Variants in KCNN2 observed in about 807,000 individuals in gnomAD.
The protein encoded by KCNN2 is small conductance calcium-activated potassium channel protein 2.
Under a neutral mutation model 55.5 loss-of-function variants are expected in KCNN2, and 24 were observed. The observed-to-expected ratio is 0.43, with a 90% CI of 0.31 to 0.61. The LOEUF is 0.61. Among genes scored for constraint, KCNN2 ranks in the 20% least tolerant of loss-of-function variants. The probability of loss-of-function intolerance (pLI) is 0.08; values close to 1 mark genes in which losing one functional copy is unlikely to be tolerated. For synonymous variants in KCNN2, 431 were observed against 336.1 expected, an observed-to-expected ratio of 1.28 and a Z score of -3.09; for missense variants, 754 against 853.6, an observed-to-expected ratio of 0.88 and a Z score of 1.45.
intron 5 of KCNN2, among the ~76,000 whole-genome samples, chr5:114,482,998 A>G (rs1266007173): frequency 1.3e-5 from 2 of 151,988 alleles, no homozygotes; most frequent in Non-Finnish European, 2.9e-5. Context: ...TACCTATATA[A>G]CATATCTGCA....
intron 1 of KCNN2, among the ~76,000 whole-genome samples, chr5:114,163,691 G>A (rs920101941): frequency 5.9e-5 from 9 of 152,244 alleles, no homozygotes; most frequent in Middle Eastern, 3.4e-3. Flanking sequence ...TGTTCCTGAT[G>A]TGCATCTCCT....
chr5:114,267,750 G>T (rs1297487287), intron 2 of KCNN2, among the ~76,000 whole-genome samples: 1 of 151,966 alleles, frequency 6.6e-6, no homozygotes, highest in Non-Finnish European at 1.5e-5. Flanking sequence ...GTTTTTCCCT[G>T]GAAGAGGAAA....
chr5:114,362,515 A>G lies in KCNN2; in HGVS notation c.376A>G (p.Asn126Asp). 2.0e-6 allele frequency: 1 copy of G among 511,136 alleles called. No individual in the cohort carries two copies. The highest frequency in any genetic ancestry group is 3.4e-6 in the Non-Finnish European group (1 of 296,662). The allele number at this position is 511,136 out of a possible 1,614,324, so 31.7% of individuals were successfully genotyped here. A position where few individuals can be genotyped will look rare whatever the true frequency, so the allele number is the denominator to read the frequency against. ...CTCGTCGCGCCGGGGCAGCCAGCTC[A>G]ATGTGAGCGAGCTGACGCCGTCCAG... ...CCSSRRGSQL[N>D]VSELTPSSHA... The change falls in exon 1 of 8, where the codon AAT becomes GAT. Residue 126 changes from asparagine to aspartate, a missense_variant. By Grantham distance (23) the Asn-to-Asp change is conservative. Around this residue, in one of 4 missense-constraint regions of KCNN2, gnomAD observed 381 missense variants for 259.1 expected, o/e 1.47. Coordinates refer to ENST00000673685, the MANE Select transcript of KCNN2 (RefSeq NM_021614.4).
At chr5:114,187,902 C>T (rs375509608) in intron 1 of KCNN2, among the ~76,000 whole-genome samples, 4 of 151,842 alleles carry the variant, frequency 2.6e-5, no homozygotes, top group South Asian at 4.2e-4. Flanking sequence ...GCAACCTCCG[C>T]CTCCTGGGTT....
chr5:114,297,409 G>T (rs1053681859), intron 2 of KCNN2, among the ~76,000 whole-genome samples: 2 of 152,158 alleles, frequency 1.3e-5, no homozygotes, highest in South Asian at 4.2e-4. Flanking sequence ...TTAATGAAAT[G>T]ATATATTGAA....
intron 1 of KCNN2, among the ~76,000 whole-genome samples, chr5:114,149,972 A>G (rs1432304612): frequency 6.6e-6 from 1 of 152,084 alleles, no homozygotes; most frequent in Non-Finnish European, 1.5e-5. Flanking sequence ...GGCTCTCCAC[A>G]AGGGTCGCAT....
intron 1 of KCNN2, among the ~76,000 whole-genome samples, chr5:114,118,915 A>G (rs1580530106): frequency 6.6e-6 from 1 of 152,124 alleles, no homozygotes; most frequent in East Asian, 1.9e-4. Context: ...AGGGGAGGGG[A>G]TGAGGATATA....
At chr5:114,149,224 C>T (rs1561496078) in intron 1 of KCNN2, among the ~76,000 whole-genome samples, 2 of 152,020 alleles carry the variant, frequency 1.3e-5, no homozygotes, top group Admixed American at 6.6e-5. Context: ...GTTGACAAAC[C>T]TGAAAAGAGG....
chr5:114,345,725 C>T (rs1221321538), intron 2 of KCNN2, among the ~76,000 whole-genome samples: 1 of 152,146 alleles, frequency 6.6e-6, no homozygotes, highest in Non-Finnish European at 1.5e-5. Flanking sequence ...GTTCTGCAGG[C>T]TATACAAGCA....
chr5:114,157,282 T>G (rs1752656433), intron 1 of KCNN2, among the ~76,000 whole-genome samples: 1 of 152,048 alleles, frequency 6.6e-6, no homozygotes, highest in African/African-American at 2.4e-5. Flanking sequence ...TGCCATAGTT[T>G]GCTCAGAATG....
At chr5:114,209,021 T>G (rs1216997738) in intron 1 of KCNN2, among the ~76,000 whole-genome samples, 5 of 151,994 alleles carry the variant, frequency 3.3e-5, no homozygotes, top group African/African-American at 1.2e-4. Flanking sequence ...TTATCTTTCT[T>G]AGCCTTTTGC....
intron 2 of KCNN2, among the ~76,000 whole-genome samples, chr5:114,270,455 G>T (rs573415595): frequency 6.6e-6 from 1 of 152,184 alleles, no homozygotes; most frequent in South Asian, 2.1e-4. Context: ...GAGCTGAAAT[G>T]CAAGAATATG....
intron 2 of KCNN2, among the ~76,000 whole-genome samples, chr5:114,316,413 A>G (rs915498149): frequency 1.3e-5 from 2 of 152,176 alleles, no homozygotes; most frequent in African/African-American, 4.8e-5. Flanking sequence ...CAAGATTTTG[A>G]AACCGCTAGA....
intron 2 of KCNN2, among the ~76,000 whole-genome samples, chr5:114,373,150 C>T (rs898160284): frequency 3.9e-5 from 6 of 152,022 alleles, no homozygotes; most frequent in Admixed American, 6.6e-5. Flanking sequence ...GTGGCGAATT[C>T]TGCAGTATCT....
At chr5:114,226,521 G>A (rs1032485555) in intron 2 of KCNN2, among the ~76,000 whole-genome samples, 2 of 152,088 alleles carry the variant, frequency 1.3e-5, no homozygotes, top group African/African-American at 2.4e-5. Context: ...GGTGCATAAT[G>A]TTTTATAGTA....
At chr5:114,120,601 C>T (rs1413236297) in intron 1 of KCNN2, among the ~76,000 whole-genome samples, 1 of 152,062 alleles carries the variant, frequency 6.6e-6, no homozygotes, top group Non-Finnish European at 1.5e-5. Context: ...AAAATCAAGG[C>T]CATTGCACTT....
At chr5:114,250,502 T>A (rs978483513) in intron 2 of KCNN2, among the ~76,000 whole-genome samples, 50 of 152,312 alleles carry the variant, frequency 3.3e-4, no homozygotes, top group African/African-American at 1.2e-3. Flanking sequence ...TGTATCTGCT[T>A]TGATGTGTCA....
intron 3 of KCNN2, among the ~76,000 whole-genome samples, chr5:114,407,167 A>G (rs2150072511): frequency 6.6e-6 from 1 of 152,184 alleles, no homozygotes; most frequent in South Asian, 2.1e-4. Context: ...GACCTGTTCA[A>G]TCTCGAAATT....
chr5:114,129,164 G>A (rs1009007502), intron 1 of KCNN2, among the ~76,000 whole-genome samples: 1 of 152,142 alleles, frequency 6.6e-6, no homozygotes, highest in African/African-American at 2.4e-5. Context: ...GATACAGAAA[G>A]GAATGAGGAA....
Sources: allele counts gnomAD v4.1 joint callset (sites outside exome capture counted in the v4.1 genomes callset), GRCh38; gene constraint gnomAD v4.1.1; regional missense constraint gnomAD v4.1.1; transcripts MANE v1.5; gene names NCBI Gene and HGNC (gene_info 2026-07-23, HGNC 2026-07-21).